Variants in ANKRD13B observed in about 807,000 individuals in gnomAD.
ANKRD13B encodes ankyrin repeat domain 13B, also known as ankyrin repeat domain-containing protein 13B.
A neutral mutation model predicts 74.4 loss-of-function variants in ANKRD13B; 33 were observed. That is an observed-to-expected ratio of 0.44 (90% CI 0.34 to 0.59). The LOEUF is 0.59. ANKRD13B is among the 20% of genes least tolerant of loss of function. The pLI is 0.02. For synonymous variants in ANKRD13B, 341 were observed against 362.9 expected, an observed-to-expected ratio of 0.94 and a Z score of 0.68; for missense variants, 676 against 877.9, an observed-to-expected ratio of 0.77 and a Z score of 2.91.
At chr17:29,595,858 GT>G (rs1394181352) in intron 1 of ANKRD13B, among the ~76,000 whole-genome samples, 5 of 152,190 alleles carry the variant, frequency 3.3e-5, no homozygotes, top group African/African-American at 1.2e-4. Context: ...AGGTGGGAGA[GT>G]TCCCTAGCTG....
rs1207208852 is a variant in ANKRD13B at position 29,608,366 on chromosome 17, C to A, written c.421+126C>A. Reference sequence around the variant, plus strand: ...CTCTATGCCTTAGCTCAGCTCAGGGCCACCGCCTCAGCTAGGCCTTTCCAG... The same window carrying A: ...CTCTATGCCTTAGCTCAGCTCAGGGACACCGCCTCAGCTAGGCCTTTCCAG... On this transcript the variant is annotated intron_variant, in intron 4 of 14. Transcript: ENST00000394859. The surrounding 1 kb of genome is among the most constrained non-coding windows in gnomAD (Gnocchi z 6.4). 4.0e-6 allele frequency: 5 copies of A among 1,235,856 alleles called. No homozygotes were observed. The African/African-American group carries it at 4.5e-5, about 11-fold the overall frequency. 76.6% of individuals were successfully genotyped at this position (1,235,856 alleles called of 1,614,324 possible). A position where few individuals can be genotyped will look rare whatever the true frequency, so the allele number is the denominator to read the frequency against.
In ANKRD13B at chr17:29,612,284, A is replaced by G. The variant is rs1435491114; in HGVS notation, c.1258+11A>G. ...TCCCAGTTAAGATTGGTGAGACCGC[A>G]CGGCCATTTCTCCTGAGCCCGTGGC... On this transcript the variant is annotated intron_variant, in intron 11 of 14. Transcript: ENST00000394859. The surrounding 1 kb of genome is among the most constrained non-coding windows in gnomAD (Gnocchi z 6.1). The G allele has an allele frequency of 1.2e-6, 2 of 1,613,554 alleles. No homozygotes were observed. Among genetic ancestry groups the G allele is most frequent in the African/African-American group, 1.3e-5 (1 of 74,878 alleles).
Position 29,611,800 on chromosome 17 carries a change from G to A in ANKRD13B, c.970-76G>A, listed in dbSNP as rs2034588068. 1.3e-6 allele frequency: 2 copies of A among 1,564,732 alleles called. No homozygotes were observed. The highest frequency in any genetic ancestry group is 3.6e-5 in the Admixed American group (2 of 55,410). On this transcript the variant is annotated intron_variant, in intron 9 of 14. Transcript: ENST00000394859. This position sits in a 1 kb window ranked among gnomAD's most constrained non-coding sequence, Gnocchi z 4.3. ...CACTGGCAGAGGGGACAGCTTGGGG[G>A]CCTTGTGACAACAAATGAGTTGGCC...
chr17:29,601,112 CAG>C (rs1330232440), intron 1 of ANKRD13B, among the ~76,000 whole-genome samples: 5 of 151,394 alleles, frequency 3.3e-5, no homozygotes, highest in African/African-American at 1.2e-4. Context: ...TTTTGTAGCA[CAG>C]AGTTTCACCA....
chr17:29,596,848 A>G (rs933977854), intron 1 of ANKRD13B, among the ~76,000 whole-genome samples: 1 of 152,186 alleles, frequency 6.6e-6, no homozygotes, highest in Non-Finnish European at 1.5e-5. Flanking sequence ...CACAAACCCC[A>G]GAAACCAAAA....
In ANKRD13B at chr17:29,612,699, C is replaced by T. The variant is rs771538905; in HGVS notation, c.1459C>T (p.Arg487Cys). 4 of 1,595,194 alleles carry T rather than the reference C, an allele frequency of 2.5e-6. No homozygotes were observed. The highest frequency in any genetic ancestry group is 8.5e-7 in the Non-Finnish European group (1 of 1,176,318). Reference sequence around the variant, plus strand: ...CTCCCCAGCGTTGTTCGAGGCCCCGCGCGGCTACAGCATGATGGGCGGCCA... The same window carrying T: ...CTCCCCAGCGTTGTTCGAGGCCCCGTGCGGCTACAGCATGATGGGCGGCCA... ...EISPALFEAP[R>C]GYSMMGGQRE... The change falls in exon 13 of 15, where the codon CGC becomes TGC. Residue 487 changes from arginine (R) to cysteine (C), a missense_variant. Coordinates refer to ENST00000394859, the MANE Select transcript of ANKRD13B (RefSeq NM_152345.5). The surrounding 1 kb of genome is among the most constrained non-coding windows in gnomAD (Gnocchi z 6.1).
In ANKRD13B at chr17:29,612,562, C is replaced by A; in HGVS notation, c.1411+8C>A. 1 of 1,548,588 alleles carries A rather than the reference C, an allele frequency of 6.5e-7. No individual in the cohort carries two copies. The highest frequency in any genetic ancestry group is 8.7e-7 in the Non-Finnish European group (1 of 1,147,228). On this transcript the variant is annotated splice_region_variant and intron_variant, in intron 12 of 14. Coordinates refer to ENST00000394859, the MANE Select transcript of ANKRD13B (RefSeq NM_152345.5). This position sits in a 1 kb window ranked among gnomAD's most constrained non-coding sequence, Gnocchi z 6.1. ...GCAGCTCCAGCTCCACGAGTGAGGC[C>A]CCCCGCGAGAACGCCTGCCCCTCGG... is the stretch of plus-strand genomic sequence containing the variant.
At position 29,598,854 on chromosome 17, in the gene ANKRD13B, A is replaced by G. The variant is rs557689624; in HGVS notation, c.114+5119A>G. On this transcript the variant is annotated intron_variant, in intron 1 of 14. Transcript: ENST00000394859. ...ACGTGAGCCCCCCGGCATAAACAAT[A>G]TACTTCTGCAATGATTTCTTGGTTA... Among the ~76,000 whole-genome samples, 3 of 152,290 alleles carry G rather than the reference A, an allele frequency of 2.0e-5. No homozygotes were observed. In the South Asian group the frequency reaches 6.2e-4, roughly 32 times the overall value.
intron 1 of ANKRD13B, among the ~76,000 whole-genome samples, chr17:29,606,894 C>CA (rs1173491562): frequency 2.0e-5 from 3 of 151,548 alleles, no homozygotes; most frequent in Non-Finnish European, 4.4e-5. Flanking sequence ...ACTAAAAATA[C>CA]AAAAAATTAG....
rs187988479 is a variant in ANKRD13B, at chr17:29,603,927, G to C, written c.115-3815G>C. On this transcript the variant is annotated intron_variant, in intron 1 of 14. Transcript: ENST00000394859. ...GTCTCTCTCTCTGTTGCCCAGGCTG[G>C]AGTGCAGGGGCGCCATCTCGGCTCA... Among the ~76,000 whole-genome samples the C allele has an allele frequency of 7.4e-5, 11 of 148,384 alleles. No individual in the cohort carries two copies. The East Asian group carries it at 2.2e-3, about 29-fold the overall frequency.
At chr17:29,600,660 C>T (rs1021942770) in intron 1 of ANKRD13B, among the ~76,000 whole-genome samples, 1 of 152,126 alleles carries the variant, frequency 6.6e-6, no homozygotes, top group African/African-American at 2.4e-5. Flanking sequence ...AGCCTCCCTG[C>T]ACTCAGCTCT....
At chr17:29,601,785 A>G (rs2034188340) in intron 1 of ANKRD13B, among the ~76,000 whole-genome samples, 1 of 151,738 alleles carries the variant, frequency 6.6e-6, no homozygotes, top group South Asian at 2.1e-4. Context: ...AAAGAATTCT[A>G]GGTTGAAAGT....
intron 2 of ANKRD13B, 43 bp downstream of exon 2, chr17:29,607,920 C>G (rs1176284655): frequency 1.9e-6 from 3 of 1,578,372 alleles, no homozygotes; most frequent in Admixed American, 1.8e-5. Flanking sequence ...CGGGGCCTCC[C>G]CAGCATCATA....
In ANKRD13B at chr17:29,611,551, G is replaced by A. The variant is rs1482849202; in HGVS notation, c.905-28G>A. On this transcript the variant is annotated intron_variant, in intron 8 of 14. Transcript: ENST00000394859. This position sits in a 1 kb window ranked among gnomAD's most constrained non-coding sequence, Gnocchi z 4.3. The stretch of plus-strand genomic sequence containing the variant: ...GCCCAGGTGTGTGTGGAGTTGCGGT[G>A]TCCTCTGAGATGCCACATTTCTTGT... 6.2e-7 allele frequency: 1 copy of A among 1,611,784 alleles called. No individual in the cohort carries two copies. Among genetic ancestry groups the A allele is most frequent in the Admixed American group, 1.7e-5 (1 of 60,016 alleles).
intron 1 of ANKRD13B, among the ~76,000 whole-genome samples, chr17:29,594,903 G>A (rs2150868505): frequency 6.6e-6 from 1 of 152,328 alleles, no homozygotes; most frequent in East Asian, 1.9e-4. Context: ...CAGGCTGGGG[G>A]TCAGGATGTG....
chr17:29,613,435 C>A lies in ANKRD13B; in HGVS notation c.1734C>A (p.Ser578=). The change falls in exon 15 of 15, where the codon TCC becomes TCA. Residue 578 remains serine, a synonymous_variant. Transcript: ENST00000394859. ...CTCGGCCCAGCTCAGGGCCAGGTTC[C>A]GGCGGCCACGTGTTCCGGAGCTACG... ...PSPRPSSGPG[S]GGHVFRSYDE... 6.5e-7 allele frequency: 1 copy of A among 1,530,332 alleles called. No individual in the cohort carries two copies. The allele number at this position is 1,530,332 out of a possible 1,614,324, so 94.8% of individuals were successfully genotyped here. A position where few individuals can be genotyped will look rare whatever the true frequency, so the allele number is the denominator to read the frequency against.
In ANKRD13B at chr17:29,600,155, C is replaced by T. The variant is rs148954809; in HGVS notation, c.114+6420C>T. Among the ~76,000 whole-genome samples the T allele has an allele frequency of 6.0e-3, 909 of 152,290 alleles. 54 individuals are homozygous for T. In the East Asian group the frequency reaches 0.15, roughly 25 times the overall value. The stretch of plus-strand genomic sequence containing the variant: ...CCTCCCAAAGAGCTGGGATTACAGG[C>T]GTGAGCCACTGCACCCAGCCGTCTT... On this transcript the variant is annotated intron_variant, in intron 1 of 14. Transcript: ENST00000394859.
chr17:29,613,274 G>A, intron 14 of ANKRD13B, 80 bp from the exon 15 acceptor site: 1 of 1,394,378 alleles, frequency 7.2e-7, no homozygotes, highest in South Asian at 1.6e-5. Flanking sequence ...GGGCCGCCCT[G>A]GAGCCTCCAC....
intron 1 of ANKRD13B, 54 bp downstream of exon 1, chr17:29,593,789 G>A: frequency 2.7e-6 from 3 of 1,124,456 alleles, no homozygotes; most frequent in Non-Finnish European, 3.5e-6. Context: ...ACGCCCGTCC[G>A]GCCTGGGGAG....
Sources: gnomAD v4.1 joint callset for allele counts (sites outside exome capture counted in the v4.1 genomes callset) on GRCh38, gnomAD v4.1.1 for gene constraint, Gnocchi (gnomAD v3.1) non-coding constraint, MANE v1.5 for transcripts, NCBI Gene and HGNC (gene_info 2026-07-23, HGNC 2026-07-21) for gene names.